Variants in HAUS8 observed in about 807,000 individuals in gnomAD.
The protein encoded by HAUS8 is HAUS augmin-like complex subunit 8.
HAUS8 carries 38 observed loss-of-function variants against 42.9 expected under a neutral mutation model. The ratio of observed to expected loss-of-function variants is 0.89; its 90% CI spans 0.68 to 1.16. The LOEUF (loss-of-function observed/expected upper bound fraction) is 1.16, where lower values mean the gene tolerates loss of function less well. HAUS8 is among the 50% of genes most tolerant of loss of function. The pLI, the probability that HAUS8 is intolerant of heterozygous loss-of-function variation, is 0.00. For synonymous variants in HAUS8, 199 were observed against 205.8 expected (o/e 0.97, Z 0.28); for missense variants, 494 against 511.6 (o/e 0.97, Z 0.33).
chr19:17,054,028 G>A (rs1192745241), intron 9 of HAUS8, among the ~76,000 whole-genome samples: 5 of 152,086 alleles, frequency 3.3e-5, no homozygotes, highest in Non-Finnish European at 7.4e-5. Context: ...GCAGAGAATG[G>A]AGGGACACGG....
chr19:17,053,076 G>A, intron 9 of HAUS8, 110 bp from the exon 10 acceptor site: 1 of 1,277,558 alleles, frequency 7.8e-7, no homozygotes, highest in Non-Finnish European at 1.1e-6. Flanking sequence ...TATCGCGCTG[G>A]AACCGTGGAG....
At chr19:17,055,633 C>T (rs1045169610) in intron 9 of HAUS8, among the ~76,000 whole-genome samples, 5 of 152,132 alleles carry the variant, frequency 3.3e-5, no homozygotes, top group African/African-American at 9.7e-5. Context: ...AAATGCCTTT[C>T]GGCAGGACAG....
In HAUS8 at chr19:17,075,429, G is replaced by A. The variant is rs755903415; in HGVS notation, c.-7C>T. On this transcript the variant is annotated 5_prime_UTR_variant, in exon 1 of 11. Transcript: ENST00000253669. Reference sequence around the variant, plus strand: ...GCCCCGAGGAATCCGCCATTTTCCCGCCTTCCACCTCAAGGCCCGACCCGC... The same window carrying A: ...GCCCCGAGGAATCCGCCATTTTCCCACCTTCCACCTCAAGGCCCGACCCGC... 3 of 1,613,632 alleles carry A rather than the reference G, an allele frequency of 1.9e-6. No individual in the cohort carries two copies. Among genetic ancestry groups the A allele is most frequent in the South Asian group, 1.1e-5 (1 of 91,078 alleles).
chr19:17,064,700 C>CCATA (rs2057378183), intron 3 of HAUS8, among the ~76,000 whole-genome samples: 1 of 152,182 alleles, frequency 6.6e-6, no homozygotes, highest in African/African-American at 2.4e-5. Context: ...AAACATCACA[C>CCATA]CATACACAAA....
In HAUS8 at chr19:17,060,081, C is replaced by G; in HGVS notation, c.241G>C (p.Gly81Arg). Residue 81 changes from glycine to arginine, a missense_variant, in exon 5 of 11, where the codon GGG becomes CGG. Gly to Arg is a moderately radical substitution (Grantham distance 125, BLOSUM62 -2). Transcript: ENST00000253669. ...LLQKSKADSSGVGKGDLQSTL... is the reference protein window; with the variant it reads ...LLQKSKADSSRVGKGDLQSTL... ...GACTGCAGGTCACCCTTTCCGACCC[C>G]ACTGCTATCTGCTGTTAAGAAAAGA... The G allele has an allele frequency of 6.2e-7, 1 of 1,610,014 alleles. No individual in the cohort carries two copies. The highest frequency in any genetic ancestry group is 8.5e-7 in the Non-Finnish European group (1 of 1,176,400).
chr19:17,053,596 G>A (rs1200000285), intron 9 of HAUS8: 3 of 152,680 alleles, frequency 2.0e-5, no homozygotes, highest in African/African-American at 7.2e-5. Context: ...GGATGGGGGG[G>A]AGTTAAGATG....
chr19:17,052,939 G>A lies in HAUS8; in HGVS notation c.815C>T (p.Thr272Ile). Residue 272 changes from threonine (T) to isoleucine (I), a missense_variant, in exon 10 of 11, where the codon ACT becomes ATT. Transcript: ENST00000253669. ...LDALQHELVT[T>I]QRLLGELDVG... ...ATCAAGTTCTCCCAGGAGGCGCTGA[G>A]TGGTCACCAGTTCATGCTGCAGGGC... 1.2e-6 allele frequency: 2 copies of A among 1,614,216 alleles called. No individual in the cohort carries two copies. Among genetic ancestry groups the A allele is most frequent in the South Asian group, 2.2e-5 (2 of 91,088 alleles).
chr19:17,050,006 G>C lies in HAUS8; in HGVS notation c.1100C>G (p.Ser367Cys). 1 of 1,607,700 alleles carries C rather than the reference G, an allele frequency of 6.2e-7. No individual in the cohort carries two copies. Among genetic ancestry groups the C allele is most frequent in the Non-Finnish European group, 8.5e-7 (1 of 1,177,516 alleles). ...CGAGGCACCCGGGTTGTCGTCCTCA[G>C]ACAGGGGCGTGTTCTTGGGTGCTCC... ...SGGAPKNTPL[S>C]EDDNPGASSA... Residue 367 changes from serine to cysteine, a missense_variant, in exon 11 of 11, where the codon TCT becomes TGT. Ser to Cys is a moderately radical substitution (Grantham distance 112). Coordinates refer to ENST00000253669, the MANE Select transcript of HAUS8 (RefSeq NM_033417.2).
intron 2 of HAUS8, among the ~76,000 whole-genome samples, chr19:17,071,301 G>A (rs2057422199): frequency 6.6e-6 from 1 of 152,326 alleles, no homozygotes; most frequent in Non-Finnish European, 1.5e-5. Flanking sequence ...AGTTAACAAG[G>A]ATCCTTCAGT....
At position 17,055,775 on chromosome 19, in the gene HAUS8, G is replaced by A. The variant is rs546636511; in HGVS notation, c.787+86C>T. The A allele has an allele frequency of 4.7e-5, 66 of 1,405,602 alleles. No homozygotes were observed. In the East Asian group the frequency reaches 1.0e-3, roughly 21 times the overall value. The allele number at this position is 1,405,602 out of a possible 1,614,324, so 87.1% of individuals were successfully genotyped here. A position where few individuals can be genotyped will look rare whatever the true frequency, so the allele number is the denominator to read the frequency against. ...CTTAGTTGGGGAAGAGGGCACTTGC[G>A]GTGATGACATCAGGCCCACAGGAAG... On this transcript the variant is annotated intron_variant, in intron 9 of 10. Transcript: ENST00000253669.
chr19:17,052,694 G>A, intron 10 of HAUS8, 131 bp downstream of exon 10: 1 of 880,540 alleles, frequency 1.1e-6, no homozygotes, highest in South Asian at 1.6e-5. Flanking sequence ...TCTGGGAAAA[G>A]AGCAGCTCGC....
chr19:17,055,107 C>T (rs1209386397), intron 9 of HAUS8: 2 of 68,590 alleles, frequency 2.9e-5, no homozygotes, highest in African/African-American at 1.2e-4. Context: ...GAAACCCCGT[C>T]TCTACAGAAA....
At chr19:17,060,869 G>A (rs75465160) in intron 4 of HAUS8, among the ~76,000 whole-genome samples, 4,694 of 152,318 alleles carry the variant, frequency 0.031, 146 homozygotes, top group African/African-American at 0.078. Context: ...GAGCCCAGGA[G>A]TGCTGCAGAT....
At position 17,052,846 on chromosome 19, in the gene HAUS8, T is replaced by C. The variant is rs560366241; in HGVS notation, c.908A>G (p.Lys303Arg). Reference protein sequence around the residue: ...LLSELKDVTAKKDLELRRSFA... With the variant: ...LLSELKDVTARKDLELRRSFA... ...GTACCTTCGGAGCTCAAGGTCCTTT[T>C]TCGCCGTCACGTCCTTGAGTTCGCT... Residue 303 changes from lysine to arginine, a missense_variant, in exon 10 of 11, where the codon AAA becomes AGA. Transcript: ENST00000253669. The C allele has an allele frequency of 1.1e-5, 18 of 1,614,196 alleles. No homozygotes were observed. The highest frequency in any genetic ancestry group is 8.9e-5 in the East Asian group (4 of 44,882).
At chr19:17,071,396 T>C (rs970545027) in intron 2 of HAUS8, among the ~76,000 whole-genome samples, 2 of 151,846 alleles carry the variant, frequency 1.3e-5, no homozygotes, top group Non-Finnish European at 1.5e-5. Flanking sequence ...TGCAGGTGGG[T>C]GCCCGGCAGA....
intron 5 of HAUS8, 151 bp from the exon 6 acceptor site, chr19:17,059,802 C>A: frequency 2.9e-6 from 2 of 685,432 alleles, no homozygotes; most frequent in Non-Finnish European, 5.0e-6. Flanking sequence ...TAAAGTTGTT[C>A]AACTTTGCAA....
At chr19:17,062,224 G>A (rs896635142) in intron 4 of HAUS8, among the ~76,000 whole-genome samples, 5 of 152,178 alleles carry the variant, frequency 3.3e-5, no homozygotes, top group Admixed American at 6.5e-5. Context: ...AGGTTCAAGC[G>A]ATTCGCCTGC....
Position 17,062,796 on chromosome 19 carries a change from T to G in HAUS8, c.148-17A>C, listed in dbSNP as rs896530261. ...TGCAGGAGCCTGTTATGGGAACACA[T>G]GACACTCAGAGGACAAGACATCCTC... On this transcript the variant is annotated splice_polypyrimidine_tract_variant and intron_variant, in intron 3 of 10. Coordinates refer to ENST00000253669, the MANE Select transcript of HAUS8 (RefSeq NM_033417.2). 6.3e-7 allele frequency: 1 copy of G among 1,596,886 alleles called. No individual in the cohort carries two copies. The highest frequency in any genetic ancestry group is 8.6e-7 in the Non-Finnish European group (1 of 1,164,576).
At chr19:17,052,999 G>A in intron 9 of HAUS8, 33 bp from the exon 10 acceptor site, 1 of 1,613,794 alleles carries the variant, frequency 6.2e-7, no homozygotes, top group Non-Finnish European at 8.5e-7. Context: ...GGCGATGGAT[G>A]GCAAGGTGCC....
Sources: gnomAD v4.1 joint callset for allele counts (sites outside exome capture counted in the v4.1 genomes callset) on GRCh38, gnomAD v4.1.1 for gene constraint, MANE v1.5 for transcripts, NCBI Gene and HGNC (gene_info 2026-07-23, HGNC 2026-07-21) for gene names.